ASTN2: variants seen among roughly 807,000 people sequenced by gnomAD.
The protein encoded by ASTN2 is astrotactin 2.
In ASTN2, 54 loss-of-function variants were observed where a neutral mutation model predicts 139.8. The observed-to-expected ratio is 0.39, with a 90% CI of 0.31 to 0.48. The LOEUF (loss-of-function observed/expected upper bound fraction) is 0.48. Ranked by LOEUF, ASTN2 falls within the 20% of genes least tolerant of loss-of-function variation. ASTN2 has a pLI of 0.95. For missense variants in ASTN2, 1,565 were observed against 1,725.1 expected (o/e 0.91, Z 1.64); for synonymous variants, 756 against 719.5 (o/e 1.05, Z -0.81).
At chr9:117,362,917 C>T (rs1829732502) in intron 1 of ASTN2, among the ~76,000 whole-genome samples, 2 of 152,188 alleles carry the variant, frequency 1.3e-5, no homozygotes, top group South Asian at 4.1e-4. Context: ...GAGAAGCCTG[C>T]TCTGCTCCCT....
intron 13 of ASTN2, among the ~76,000 whole-genome samples, chr9:116,772,663 CTA>C (rs1305177610): frequency 6.6e-6 from 1 of 152,180 alleles, no homozygotes; most frequent in Non-Finnish European, 1.5e-5. Flanking sequence ...CAGAGGTTCA[CTA>C]TGGGTTACAA....
At chr9:116,630,060 A>G (rs1001565596) in intron 17 of ASTN2, among the ~76,000 whole-genome samples, 2 of 152,202 alleles carry the variant, frequency 1.3e-5, no homozygotes, top group African/African-American at 4.8e-5. Flanking sequence ...AACAGTGAGC[A>G]TTTTTTGAAG....
At chr9:117,213,084 A>G (rs1367657926) in intron 3 of ASTN2, among the ~76,000 whole-genome samples, 2 of 152,214 alleles carry the variant, frequency 1.3e-5, no homozygotes, top group Non-Finnish European at 2.9e-5. Flanking sequence ...TGTATACACA[A>G]TGGAATACAT....
intron 10 of ASTN2, among the ~76,000 whole-genome samples, chr9:116,948,850 T>C (rs1286504794): frequency 2.4e-5 from 3 of 126,758 alleles, no homozygotes; most frequent in African/African-American, 5.9e-5. Flanking sequence ...TGGAGTGCAA[T>C]GGCTCAATAT....
chr9:116,887,989 A>G (rs2132383086), intron 10 of ASTN2, among the ~76,000 whole-genome samples: 1 of 152,356 alleles, frequency 6.6e-6, no homozygotes, highest in Non-Finnish European at 1.5e-5. Flanking sequence ...TACATCTTAA[A>G]GGATAAATCT....
chr9:116,625,908 T>C (rs1856428570), intron 17 of ASTN2, among the ~76,000 whole-genome samples: 1 of 152,134 alleles, frequency 6.6e-6, no homozygotes, highest in Admixed American at 6.5e-5. Context: ...ATTTCACATT[T>C]CCTTGAAACT....
chr9:116,429,638 T>C (rs537649635), intron 22 of ASTN2, among the ~76,000 whole-genome samples: 3 of 152,296 alleles, frequency 2.0e-5, no homozygotes, highest in African/African-American at 7.2e-5. Context: ...ATCACTCTCA[T>C]TGTCATCATC....
At chr9:117,081,473 C>T (rs1429777212) in intron 5 of ASTN2, among the ~76,000 whole-genome samples, 1 of 152,174 alleles carries the variant, frequency 6.6e-6, no homozygotes, top group Admixed American at 6.5e-5. Context: ...CCAACATTCC[C>T]ACCCCCTGCA....
chr9:116,442,463 G>A lies in ASTN2; in HGVS notation c.3588C>T (p.Asn1196=). 6.2e-7 allele frequency: 1 copy of A among 1,614,034 alleles called. No individual in the cohort carries two copies. The highest frequency in any genetic ancestry group is 8.5e-7 in the Non-Finnish European group (1 of 1,179,984). ...AACTGGGTTACCTACCTTCTGCCTT[G>A]TTGTCATCTACCAGTGGACAGGCCG... is the stretch of plus-strand genomic sequence containing the variant. ...LRTACPLVDD[N]KAEEIADKIY... Residue 1196 remains asparagine (N), a synonymous_variant, in exon 21 of 23, where the codon AAC becomes AAT. Transcript: ENST00000313400.
intron 13 of ASTN2, among the ~76,000 whole-genome samples, chr9:116,766,706 CTT>C (rs1445543259): frequency 6.6e-6 from 1 of 152,022 alleles, no homozygotes; most frequent in African/African-American, 2.4e-5. Context: ...TAGTCATACA[CTT>C]AAACAGTCAT....
At chr9:116,841,527 A>C (rs1268040249) in intron 11 of ASTN2, among the ~76,000 whole-genome samples, 3 of 152,214 alleles carry the variant, frequency 2.0e-5, no homozygotes, top group Non-Finnish European at 4.4e-5. Flanking sequence ...GGTATGAGCC[A>C]CCATGCCCAG....
chr9:116,938,332 T>A (rs1835132508), intron 10 of ASTN2, among the ~76,000 whole-genome samples: 1 of 152,178 alleles, frequency 6.6e-6, no homozygotes, highest in Non-Finnish European at 1.5e-5. Flanking sequence ...TGGTCCTATG[T>A]TAATGCAAAT....
intron 10 of ASTN2, among the ~76,000 whole-genome samples, chr9:116,924,118 G>A (rs1355815992): frequency 1.3e-5 from 2 of 151,954 alleles, no homozygotes; most frequent in Admixed American, 6.6e-5. Flanking sequence ...ATAAAAAATG[G>A]CTACTCCAGG....
intron 19 of ASTN2, among the ~76,000 whole-genome samples, chr9:116,590,495 G>A (rs1220909985): frequency 1.3e-5 from 2 of 152,188 alleles, no homozygotes; most frequent in Admixed American, 1.3e-4. Context: ...CAGGCCAGCA[G>A]GCACCCCTCA....
intron 20 of ASTN2, among the ~76,000 whole-genome samples, chr9:116,446,313 A>C (rs1847998721): frequency 6.7e-6 from 1 of 148,178 alleles, no homozygotes; most frequent in Non-Finnish European, 1.5e-5. Flanking sequence ...AGAGAGAATA[A>C]TCAGACCTCT....
At chr9:117,077,979 C>T (rs1401912087) in intron 5 of ASTN2, among the ~76,000 whole-genome samples, 1 of 152,194 alleles carries the variant, frequency 6.6e-6, no homozygotes, top group African/African-American at 2.4e-5. Context: ...AATTGTCTTG[C>T]TTATGCTGAC....
At chr9:117,089,832 T>A (rs1051467573) in intron 5 of ASTN2, among the ~76,000 whole-genome samples, 37 of 152,236 alleles carry the variant, frequency 2.4e-4, no homozygotes, top group African/African-American at 8.7e-4. Flanking sequence ...TCCAATCTCA[T>A]CCAGGTTGTG....
chr9:117,147,979 A>G (rs1180498503), intron 3 of ASTN2, among the ~76,000 whole-genome samples: 1 of 152,180 alleles, frequency 6.6e-6, no homozygotes, highest in African/African-American at 2.4e-5. Context: ...CATCTAGGCA[A>G]AGAGCCCTAG....
intron 2 of ASTN2, among the ~76,000 whole-genome samples, chr9:117,249,006 C>T (rs556553650): frequency 2.0e-5 from 3 of 152,190 alleles, no homozygotes; most frequent in South Asian, 4.1e-4. Context: ...TCTTTGTGCT[C>T]GCTTCTACCT....
Sources: gnomAD v4.1 joint callset for allele counts (sites outside exome capture counted in the v4.1 genomes callset) on GRCh38, gnomAD v4.1.1 for gene constraint, MANE v1.5 for transcripts, NCBI Gene and HGNC (gene_info 2026-07-23, HGNC 2026-07-21) for gene names.